Variants in KLF12 observed in about 807,000 individuals in gnomAD.
The protein encoded by KLF12 is Krueppel-like factor 12.
A neutral mutation model predicts 37.8 loss-of-function variants in KLF12; 9 were observed. The observed-to-expected ratio is 0.24, with a 90% CI of 0.14 to 0.42. The LOEUF (loss-of-function observed/expected upper bound fraction) is 0.42, where lower values mean the gene tolerates loss of function less well. Ranked by LOEUF, KLF12 falls within the 10% of genes least tolerant of loss-of-function variation. KLF12 has a pLI of 1.00. For synonymous variants in KLF12, 208 were observed against 202.1 expected (o/e 1.03, Z -0.25); for missense variants, 411 against 516.0 (o/e 0.80, Z 1.97).
chr13:74,196,644 T>C, the KLF12 span, among the ~76,000 whole-genome samples: 3 of 152,182 alleles, frequency 2.0e-5, no homozygotes, highest in African/African-American at 7.2e-5. Context: ...CTGGCTTCGT[T>C]AGCCTGAGCA....
the KLF12 span, among the ~76,000 whole-genome samples, chr13:74,140,402 G>A: frequency 2.0e-5 from 3 of 152,162 alleles, no homozygotes; most frequent in Non-Finnish European, 4.4e-5. Flanking sequence ...GCATGTGCCT[G>A]TAATCCCAGA....
chr13:73,949,382 T>C (rs1005027374), intron 2 of KLF12, among the ~76,000 whole-genome samples: 3 of 152,194 alleles, frequency 2.0e-5, no homozygotes, highest in African/African-American at 4.8e-5. Context: ...GTAGCAACGA[T>C]TTGGAGAATC....
rs530073273 is a variant in KLF12, at chr13:73,699,377, C to A, written c.1028-3706G>T. Among the ~76,000 whole-genome samples the A allele has an allele frequency of 2.3e-3, 351 of 151,900 alleles. 4 individuals carry two copies. Among genetic ancestry groups the A allele is most frequent in the Middle Eastern group, 0.02 (6 of 294 alleles). ...TTCCAGCCTGTGTGACCAGGCAAGA[C>A]CCCGCCTCCAAAATATAAAAATAAA... On this transcript the variant is annotated intron_variant, in intron 7 of 7. Coordinates refer to ENST00000377669, the MANE Select transcript of KLF12 (RefSeq NM_007249.5).
chr13:73,753,389 G>C (rs1878920984), intron 6 of KLF12, among the ~76,000 whole-genome samples: 1 of 152,132 alleles, frequency 6.6e-6, no homozygotes, highest in South Asian at 2.1e-4. Flanking sequence ...CCTTTCAAGA[G>C]GCATTTTCTG....
intron 5 of KLF12, among the ~76,000 whole-genome samples, chr13:73,790,467 C>T (rs1249215345): frequency 2.0e-5 from 3 of 152,108 alleles, no homozygotes; most frequent in Non-Finnish European, 4.4e-5. Flanking sequence ...GATTAGAATG[C>T]AAGTGATCCT....
intron 1 of KLF12, among the ~76,000 whole-genome samples, chr13:74,104,848 T>G (rs1876565375): frequency 6.6e-6 from 1 of 152,210 alleles, no homozygotes; most frequent in African/African-American, 2.4e-5. Context: ...GCTCTCATAC[T>G]TGAAACTTAA....
chr13:73,940,780 T>C (rs909752499), intron 3 of KLF12, among the ~76,000 whole-genome samples: 1 of 152,140 alleles, frequency 6.6e-6, no homozygotes, highest in Non-Finnish European at 1.5e-5. Context: ...ACACACAGCA[T>C]AAATCTCATT....
At chr13:73,988,151 A>G (rs934313807) in intron 2 of KLF12, among the ~76,000 whole-genome samples, 6 of 152,130 alleles carry the variant, frequency 3.9e-5, no homozygotes, top group Admixed American at 1.3e-4. Flanking sequence ...TTAAGAAGAA[A>G]TTTTTCAGGG....
chr13:74,155,211 T>C, the KLF12 span, among the ~76,000 whole-genome samples: 214 of 152,344 alleles, frequency 1.4e-3, 1 homozygote, highest in Admixed American at 3.4e-3. Flanking sequence ...TTCCTTAGAA[T>C]TTCAAGCATG....
chr13:74,109,812 T>C (rs1339822869), intron 1 of KLF12, among the ~76,000 whole-genome samples: 1 of 152,280 alleles, frequency 6.6e-6, no homozygotes, highest in Non-Finnish European at 1.5e-5. Flanking sequence ...TACTATCAAG[T>C]ATCTATAGAA....
chr13:73,720,632 G>A (rs1594004971), intron 6 of KLF12, among the ~76,000 whole-genome samples: 1 of 152,168 alleles, frequency 6.6e-6, no homozygotes, highest in Non-Finnish European at 1.5e-5. Flanking sequence ...GATCTAGAGA[G>A]AACAAATGAG....
intron 4 of KLF12, among the ~76,000 whole-genome samples, chr13:73,837,664 T>G (rs897455578): frequency 4.6e-5 from 7 of 152,170 alleles, no homozygotes; most frequent in African/African-American, 1.7e-4. Flanking sequence ...AGCCTATATT[T>G]AATAAACATA....
chr13:73,967,118 C>T (rs1173660454), intron 2 of KLF12, among the ~76,000 whole-genome samples: 1 of 152,126 alleles, frequency 6.6e-6, no homozygotes, highest in Non-Finnish European at 1.5e-5. Flanking sequence ...GTAACACTTC[C>T]CAAATCCATA....
At chr13:74,169,757 A>T in the KLF12 span, among the ~76,000 whole-genome samples, 1 of 152,224 alleles carries the variant, frequency 6.6e-6, no homozygotes, top group Non-Finnish European at 1.5e-5. Flanking sequence ...ATGCAGAAAC[A>T]AAAGATAATG....
At chr13:74,062,271 T>C (rs1447981605) in intron 1 of KLF12, among the ~76,000 whole-genome samples, 1 of 152,222 alleles carries the variant, frequency 6.6e-6, no homozygotes, top group African/African-American at 2.4e-5. Flanking sequence ...AATGAGTTAA[T>C]TTCTTACACT....
At chr13:74,094,720 C>T (rs1875880054) in intron 1 of KLF12, among the ~76,000 whole-genome samples, 1 of 151,962 alleles carries the variant, frequency 6.6e-6, no homozygotes, top group African/African-American at 2.4e-5. Flanking sequence ...CTGCCTCAAC[C>T]TCCCAGGTAG....
chr13:74,023,755 A>C (rs1009322863), intron 1 of KLF12, among the ~76,000 whole-genome samples: 3 of 152,120 alleles, frequency 2.0e-5, no homozygotes, highest in African/African-American at 7.2e-5. Context: ...CTGAGGTCCC[A>C]AAAAGGACAT....
At chr13:73,917,648 C>T (rs1888909979) in intron 3 of KLF12, among the ~76,000 whole-genome samples, 2 of 152,170 alleles carry the variant, frequency 1.3e-5, no homozygotes, top group Admixed American at 6.5e-5. Flanking sequence ...TAGTTAACCT[C>T]ATAAGTTTGT....
chr13:74,155,631 G>A, the KLF12 span, among the ~76,000 whole-genome samples: 1 of 152,016 alleles, frequency 6.6e-6, no homozygotes, highest in African/African-American at 2.4e-5. Flanking sequence ...CCAAAGTGCT[G>A]GGATTACAGG....
Sources: allele counts gnomAD v4.1 joint callset (sites outside exome capture counted in the v4.1 genomes callset), GRCh38; gene constraint gnomAD v4.1.1; transcripts MANE v1.5; gene names NCBI Gene and HGNC (gene_info 2026-07-23, HGNC 2026-07-21).